The following SYT1 variants were observed in gnomAD, a reference collection of about 807,000 sequenced individuals.
SYT1 encodes the protein synaptotagmin 1.
Under a neutral mutation model 44.8 loss-of-function variants are expected in SYT1, and 8 were observed. That is an observed-to-expected ratio of 0.18 (90% CI 0.10 to 0.32). The LOEUF is 0.32. Ranked by LOEUF, SYT1 falls within the 10% of genes least tolerant of loss-of-function variation. The pLI is 1.00. For missense variants in SYT1, 286 were observed against 509.3 expected (o/e 0.56, Z 4.22); for synonymous variants, 154 against 188.8 (o/e 0.82, Z 1.51).
rs546793683 is a variant in SYT1 at position 78,877,670 on chromosome 12, T to A, written c.-217+12561T>A. ...CAATCTAACAATGTATAACAGCCTG[T>A]ATTTTTTTTCCTTTTTGAGACAGAT... is the stretch of plus-strand genomic sequence containing the variant. On this transcript the variant is annotated intron_variant, in intron 1 of 10. Coordinates refer to ENST00000261205, the MANE Select transcript of SYT1 (RefSeq NM_005639.3). Among the ~76,000 whole-genome samples, 7 of 105,416 alleles carry A rather than the reference T, an allele frequency of 6.6e-5. No individual in the cohort carries two copies. The Admixed American group carries it at 6.7e-4, about 10-fold the overall frequency. The allele number at this position is 105,416 out of a possible 152,430, so 69.2% of individuals were successfully genotyped here.
chr12:79,047,876 G>T (rs143169806), intron 3 of SYT1, among the ~76,000 whole-genome samples: 1 of 151,844 alleles, frequency 6.6e-6, no homozygotes, highest in Non-Finnish European at 1.5e-5. Flanking sequence ...AACTAAAAGT[G>T]TATTTCCTAG....
rs115224691 is a variant in SYT1 at position 78,873,049 on chromosome 12, G to A, written c.-217+7940G>A. Reference sequence around the variant, plus strand: ...GCCATTGCAATGGTAACAAGTTACTGTGTTCATGACAGGCGTGCAGCACTG... The same window carrying A: ...GCCATTGCAATGGTAACAAGTTACTATGTTCATGACAGGCGTGCAGCACTG... On this transcript the variant is annotated intron_variant, in intron 1 of 10. Transcript: ENST00000261205. Among the ~76,000 whole-genome samples, 467 of 151,778 alleles carry A rather than the reference G, an allele frequency of 3.1e-3. 1 individual carries two copies. Among genetic ancestry groups the A allele is most frequent in the African/African-American group, 0.011 (442 of 41,484 alleles).
rs1425926509 is a variant in SYT1 at position 79,067,256 on chromosome 12, T to C, written c.-18+19894T>C. On this transcript the variant is annotated intron_variant, in intron 3 of 10. Coordinates refer to ENST00000261205, the MANE Select transcript of SYT1 (RefSeq NM_005639.3). ...CAAAATCATATAGCTCATACCTATC[T>C]ATTTTTTTCAAATGTCCATTGTACA... 2.0e-5 allele frequency among the ~76,000 whole-genome samples: 3 copies of C among 152,204 alleles called. No homozygotes were observed. The South Asian group carries it at 6.2e-4, about 31-fold the overall frequency.
intron 4 of SYT1, among the ~76,000 whole-genome samples, chr12:79,237,863 G>T (rs1876278541): frequency 6.6e-6 from 1 of 152,242 alleles, no homozygotes; most frequent in Non-Finnish European, 1.5e-5. Flanking sequence ...TAGAGGAGTA[G>T]AAAGTCTCAA....
At chr12:78,947,825 T>C (rs932542420) in intron 1 of SYT1, among the ~76,000 whole-genome samples, 2 of 151,802 alleles carry the variant, frequency 1.3e-5, no homozygotes, top group Non-Finnish European at 2.9e-5. Flanking sequence ...TTTAAAAAGG[T>C]TGAGTCTCTA....
chr12:79,406,256 G>A (rs1885240260), intron 9 of SYT1, among the ~76,000 whole-genome samples: 1 of 152,130 alleles, frequency 6.6e-6, no homozygotes. Context: ...CTGCACTGTG[G>A]TGACTGGTAT....
At chr12:79,099,788 C>A (rs1592748403) in intron 3 of SYT1, among the ~76,000 whole-genome samples, 1 of 152,170 alleles carries the variant, frequency 6.6e-6, no homozygotes, top group East Asian at 1.9e-4. Flanking sequence ...ATGACAGTGA[C>A]TGGCTTACTG....
At chr12:79,389,045 G>A (rs1280946051) in intron 9 of SYT1, among the ~76,000 whole-genome samples, 2 of 152,144 alleles carry the variant, frequency 1.3e-5, no homozygotes, top group Non-Finnish European at 2.9e-5. Context: ...TGCTTAATAA[G>A]TAGATATATT....
At chr12:79,377,806 A>C (rs571710750) in intron 9 of SYT1, among the ~76,000 whole-genome samples, 5 of 152,348 alleles carry the variant, frequency 3.3e-5, no homozygotes, top group African/African-American at 1.2e-4. Flanking sequence ...GGGAGAATCC[A>C]GGTTCAGGAA....
At chr12:78,876,651 A>G (rs1874096330) in intron 1 of SYT1, among the ~76,000 whole-genome samples, 2 of 131,300 alleles carry the variant, frequency 1.5e-5, no homozygotes, top group South Asian at 2.2e-4. Context: ...ATATGTATAT[A>G]CACACGTGTG....
At chr12:79,384,331 G>T (rs2136078972) in intron 9 of SYT1, among the ~76,000 whole-genome samples, 1 of 152,222 alleles carries the variant, frequency 6.6e-6, no homozygotes, top group Non-Finnish European at 1.5e-5. Flanking sequence ...AATTTTGTAA[G>T]ATTAGATTTA....
At chr12:78,892,950 G>A (rs986981802) in intron 1 of SYT1, among the ~76,000 whole-genome samples, 2 of 151,770 alleles carry the variant, frequency 1.3e-5, no homozygotes, top group South Asian at 4.1e-4. Context: ...TGTATAAGTA[G>A]CATTATAATA....
At chr12:79,349,992 C>A (rs970036053) in intron 8 of SYT1, among the ~76,000 whole-genome samples, 4 of 152,148 alleles carry the variant, frequency 2.6e-5, no homozygotes, top group Non-Finnish European at 4.4e-5. Flanking sequence ...TGCTTTTCTT[C>A]TCATCACAGA....
At chr12:79,295,994 G>A (rs1440172295) in intron 6 of SYT1, 75 bp from the exon 7 acceptor site, 11 of 1,446,752 alleles carry the variant, frequency 7.6e-6, no homozygotes, top group Non-Finnish European at 1.0e-5. Flanking sequence ...CCAATATGCA[G>A]CATTGTGAAC....
At chr12:79,251,786 C>T (rs1263385112) in intron 4 of SYT1, among the ~76,000 whole-genome samples, 3 of 152,120 alleles carry the variant, frequency 2.0e-5, no homozygotes, top group Non-Finnish European at 4.4e-5. Context: ...ATAAAATATA[C>T]TTTGCTTTTC....
At chr12:79,228,356 C>T (rs1265855001) in intron 4 of SYT1, among the ~76,000 whole-genome samples, 1 of 152,132 alleles carries the variant, frequency 6.6e-6, no homozygotes, top group Non-Finnish European at 1.5e-5. Flanking sequence ...CCTTTGCATA[C>T]TATTAAAATT....
intron 4 of SYT1, among the ~76,000 whole-genome samples, chr12:79,225,140 G>C (rs1875441957): frequency 6.6e-6 from 1 of 151,898 alleles, no homozygotes; most frequent in Non-Finnish European, 1.5e-5. Context: ...AAAAAGCAGG[G>C]GTAGCAGGCT....
At chr12:79,233,899 CTGT>C (rs1176135689) in intron 4 of SYT1, among the ~76,000 whole-genome samples, 43 of 152,188 alleles carry the variant, frequency 2.8e-4, no homozygotes, top group African/African-American at 9.6e-4. Context: ...AGTTGTGCTG[CTGT>C]TATCTTCCAT....
intron 3 of SYT1, among the ~76,000 whole-genome samples, chr12:79,140,603 G>T (rs1869498656): frequency 6.6e-6 from 1 of 152,134 alleles, no homozygotes; most frequent in Admixed American, 6.5e-5. Flanking sequence ...TCTACAGATT[G>T]CATACATCAG....
Sources: gnomAD v4.1 joint callset for allele counts (sites outside exome capture counted in the v4.1 genomes callset) on GRCh38, gnomAD v4.1.1 for gene constraint, MANE v1.5 for transcripts, NCBI Gene and HGNC (gene_info 2026-07-23, HGNC 2026-07-21) for gene names.